The following TMEM232 variants were observed in gnomAD, a reference collection of about 807,000 sequenced individuals.
TMEM232 encodes the protein transmembrane protein 232.
Under a neutral mutation model 78.8 loss-of-function variants are expected in TMEM232, and 80 were observed. The observed-to-expected ratio is 1.01, with a 90% CI of 0.85 to 1.22. TMEM232 has a LOEUF of 1.22. Among genes scored for constraint, TMEM232 ranks in the 50% most tolerant of loss-of-function variants. The pLI, the probability that TMEM232 is intolerant of heterozygous loss-of-function variation, is 0.00. For missense variants in TMEM232, 881 were observed against 742.2 expected, an observed-to-expected ratio of 1.19 and a Z score of -2.17; for synonymous variants, 297 against 254.3, an observed-to-expected ratio of 1.17 and a Z score of -1.60.
At chr5:110,501,926 G>A (rs1299996116) in intron 12 of TMEM232, among the ~76,000 whole-genome samples, 2 of 152,060 alleles carry the variant, frequency 1.3e-5, no homozygotes, top group African/African-American at 2.4e-5. Context: ...TAGTTTTGCC[G>A]AGTTTTTAAT....
At chr5:110,716,311 T>C (rs1034914085) in intron 1 of TMEM232, among the ~76,000 whole-genome samples, 2 of 152,170 alleles carry the variant, frequency 1.3e-5, no homozygotes, top group African/African-American at 4.8e-5. Flanking sequence ...TTTCAGATGA[T>C]TCAAGTGCAT....
intron 12 of TMEM232, among the ~76,000 whole-genome samples, chr5:110,494,654 C>A (rs1765454069): frequency 2.0e-5 from 3 of 152,024 alleles, no homozygotes; most frequent in Admixed American, 6.6e-5. Flanking sequence ...TAAAAGCATT[C>A]ATCACAACTT....
chr5:110,700,750 ATAGG>A (rs762244864), intron 1 of TMEM232, among the ~76,000 whole-genome samples: 34 of 147,998 alleles, frequency 2.3e-4, no homozygotes, highest in South Asian at 4.3e-4. Flanking sequence ...AAATAGGTAG[ATAGG>A]TAGGTAGGTA....
At chr5:110,718,605 A>G (rs1458975737) in intron 1 of TMEM232, among the ~76,000 whole-genome samples, 1 of 152,016 alleles carries the variant, frequency 6.6e-6, no homozygotes, top group Non-Finnish European at 1.5e-5. Flanking sequence ...ATTGGAGTTC[A>G]CTGAGCTTCT....
intron 10 of TMEM232, among the ~76,000 whole-genome samples, chr5:110,570,250 A>G (rs1271634739): frequency 2.0e-5 from 3 of 152,022 alleles, no homozygotes; most frequent in Non-Finnish European, 4.4e-5. Flanking sequence ...ATTTGAAATA[A>G]CATATAAAAC....
chr5:110,629,840 C>A (rs1398998569), intron 5 of TMEM232, among the ~76,000 whole-genome samples: 1 of 152,046 alleles, frequency 6.6e-6, no homozygotes, highest in Non-Finnish European at 1.5e-5. Flanking sequence ...CTTCAGTAAG[C>A]AGAAGTCAAT....
At chr5:110,541,369 A>G (rs1263791691) in intron 11 of TMEM232, among the ~76,000 whole-genome samples, 2 of 152,166 alleles carry the variant, frequency 1.3e-5, no homozygotes, top group Non-Finnish European at 2.9e-5. Context: ...CTTTCAGAGG[A>G]TATGTTTTTG....
chr5:110,526,349 T>C (rs557274799), intron 12 of TMEM232, among the ~76,000 whole-genome samples: 55 of 151,228 alleles, frequency 3.6e-4, no homozygotes, highest in African/African-American at 1.3e-3. Context: ...AATAGATATA[T>C]AGTCCCAGGT....
At chr5:110,412,332 G>C (rs1756027570) in intron 2 of TMEM232, among the ~76,000 whole-genome samples, 1 of 152,142 alleles carries the variant, frequency 6.6e-6, no homozygotes, top group South Asian at 2.1e-4. Flanking sequence ...GAAAGTTATT[G>C]CCAAATCCAA....
At chr5:110,638,116 T>C (rs1786136952) in intron 5 of TMEM232, 82 bp downstream of exon 5, 4 of 1,118,914 alleles carry the variant, frequency 3.6e-6, no homozygotes, top group Non-Finnish European at 4.9e-6. Flanking sequence ...AAATGTTCTG[T>C]TTTGATCCTA....
chr5:110,549,683 T>A (rs1163365947), intron 11 of TMEM232, among the ~76,000 whole-genome samples: 1 of 141,012 alleles, frequency 7.1e-6, no homozygotes, highest in African/African-American at 2.6e-5. Flanking sequence ...AGAACAAAGA[T>A]GAAAATAAGA....
chr5:110,632,551 G>A (rs760108630), intron 5 of TMEM232, among the ~76,000 whole-genome samples: 40 of 151,988 alleles, frequency 2.6e-4, no homozygotes, highest in Non-Finnish European at 5.3e-4. Flanking sequence ...TCAGAGATAC[G>A]TATCATACAA....
intron 2 of TMEM232, among the ~76,000 whole-genome samples, chr5:110,655,619 C>A (rs533162924): frequency 2.0e-5 from 3 of 148,428 alleles, no homozygotes; most frequent in Non-Finnish European, 3.0e-5. Flanking sequence ...ATGTTTATTG[C>A]GGCACTATTC....
intron 3 of TMEM232, chr5:110,397,752 T>C (rs948261945): frequency 6.5e-6 from 1 of 152,760 alleles, no homozygotes; most frequent in East Asian, 1.9e-4. Context: ...TTGTTAGATA[T>C]GGTAATTTTT....
chr5:110,642,370 G>A lies in TMEM232; in HGVS notation c.127C>T (p.Pro43Ser), dbSNP rs1229330253. ...AATTCTTTTGTGATTGAAAATGTTG[G>A]CCTAAATAAAACATTGAAAAATTAA... is the stretch of plus-strand genomic sequence containing the variant. ...LSGERGHKSRPTFSITKEFIL... is the reference protein window; with the variant it reads ...LSGERGHKSRSTFSITKEFIL... The change falls in exon 3 of 14, where the codon CCA (proline) becomes TCA (serine). Residue 43 changes from proline to serine, a missense_variant and splice_region_variant. Pro to Ser is a moderately conservative substitution (Grantham distance 74). Transcript: ENST00000455884. 14 of 1,497,478 alleles carry A rather than the reference G, an allele frequency of 9.3e-6. No individual in the cohort carries two copies. Among genetic ancestry groups the A allele is most frequent in the Non-Finnish European group, 1.2e-5 (13 of 1,126,128 alleles). 92.8% of individuals were successfully genotyped at this position (1,497,478 alleles called of 1,614,324 possible). A position where few individuals can be genotyped will look rare whatever the true frequency, so the allele number is the denominator to read the frequency against.
rs1207318132 is a variant in TMEM232 at position 110,625,417 on chromosome 5, T to A, written c.618A>T (p.Gly206=). 2.0e-6 allele frequency: 3 copies of A among 1,526,446 alleles called. No individual in the cohort carries two copies. The highest frequency in any genetic ancestry group is 2.6e-6 in the Non-Finnish European group (3 of 1,135,054). The allele number at this position is 1,526,446 out of a possible 1,614,324, so 94.6% of individuals were successfully genotyped here. ...TGTTTGGATACTTGTGATATGATGC[T>A]CCAGAGAAAGAAAGTGCTATTGTAA... ...QPYLYALSFS[G]ASYHKYPNIF... is the part of the protein sequence containing the mutation. Residue 206 remains glycine (G), a synonymous_variant, in exon 7 of 14, where the codon GGA becomes GGT. Coordinates refer to ENST00000455884, the MANE Select transcript of TMEM232 (RefSeq NM_001039763.4).
chr5:110,460,106 T>A (rs1056381773), intron 12 of TMEM232, among the ~76,000 whole-genome samples: 1 of 152,118 alleles, frequency 6.6e-6, no homozygotes, highest in Non-Finnish European at 1.5e-5. Context: ...TTGAAGACAA[T>A]TGAAAAAAAC....
intron 11 of TMEM232, among the ~76,000 whole-genome samples, chr5:110,533,699 T>G (rs1581117904): frequency 6.6e-6 from 1 of 152,278 alleles, no homozygotes; most frequent in East Asian, 1.9e-4. Flanking sequence ...GCCTCCCACA[T>G]TATTCCTGAT....
At chr5:110,427,530 T>C (rs933715071) in intron 12 of TMEM232, among the ~76,000 whole-genome samples, 1 of 151,874 alleles carries the variant, frequency 6.6e-6, no homozygotes, top group Non-Finnish European at 1.5e-5. Context: ...AGAAAGATGG[T>C]ATACTAGTTT....
Sources: gnomAD v4.1 joint callset for allele counts (sites outside exome capture counted in the v4.1 genomes callset) on GRCh38, gnomAD v4.1.1 for gene constraint, MANE v1.5 for transcripts, NCBI Gene and HGNC (gene_info 2026-07-23, HGNC 2026-07-21) for gene names.